Variants in RANBP17 observed in about 807,000 individuals in gnomAD.
The protein encoded by RANBP17 is RAN binding protein 17.
In RANBP17, 158 loss-of-function variants were observed where a neutral mutation model predicts 141.2. That is an observed-to-expected ratio of 1.12 (90% CI 0.98 to 1.28). The LOEUF (loss-of-function observed/expected upper bound fraction) is 1.28, where lower values mean the gene tolerates loss of function less well. RANBP17 is among the 50% of genes most tolerant of loss of function. The pLI, the probability that RANBP17 is intolerant of heterozygous loss-of-function variation, is 0.00. For missense variants in RANBP17, 1,438 were observed against 1,290.7 expected (o/e 1.11, Z -1.75); for synonymous variants, 430 against 450.0 (o/e 0.96, Z 0.56).
chr5:171,106,353 G>A (rs1187831781), intron 14 of RANBP17, among the ~76,000 whole-genome samples: 3 of 152,088 alleles, frequency 2.0e-5, no homozygotes, highest in Non-Finnish European at 2.9e-5. Context: ...AGGTAGGAGG[G>A]GAAGGGGGTA....
chr5:171,188,423 A>G (rs1379438706), intron 18 of RANBP17, among the ~76,000 whole-genome samples: 3 of 152,250 alleles, frequency 2.0e-5, no homozygotes, highest in African/African-American at 7.2e-5. Flanking sequence ...ACAGTGTGCT[A>G]AACTCTGAGG....
intron 14 of RANBP17, among the ~76,000 whole-genome samples, chr5:171,136,521 A>G (rs1355849514): frequency 6.6e-6 from 1 of 152,098 alleles, no homozygotes; most frequent in Admixed American, 6.6e-5. Context: ...TAAAGAGGTC[A>G]TCTTTCAGGA....
chr5:171,244,698 C>T (rs903103424), intron 24 of RANBP17, among the ~76,000 whole-genome samples: 7 of 152,180 alleles, frequency 4.6e-5, no homozygotes, highest in South Asian at 4.1e-4. Flanking sequence ...ACACCCACCT[C>T]GGCCTCCCAA....
At chr5:170,925,475 ATTC>A (rs1474103321) in intron 12 of RANBP17, among the ~76,000 whole-genome samples, 16 of 152,188 alleles carry the variant, frequency 1.1e-4, no homozygotes, top group Admixed American at 6.5e-4. Context: ...TTATTGATTT[ATTC>A]TTCTAGAAGA....
intron 20 of RANBP17, among the ~76,000 whole-genome samples, chr5:171,208,467 A>G (rs990136909): frequency 2.6e-5 from 4 of 152,220 alleles, no homozygotes; most frequent in African/African-American, 9.6e-5. Context: ...CTCCTTGTTT[A>G]AAATTTTCCT....
intron 22 of RANBP17, among the ~76,000 whole-genome samples, chr5:171,233,981 G>C (rs901562097): frequency 1.3e-5 from 2 of 152,064 alleles, no homozygotes; most frequent in African/African-American, 2.4e-5. Context: ...GTGCATGTGT[G>C]GGGGCAGGAG....
chr5:171,075,578 T>G (rs1177785076), intron 14 of RANBP17, among the ~76,000 whole-genome samples: 1 of 152,024 alleles, frequency 6.6e-6, no homozygotes, highest in Non-Finnish European at 1.5e-5. Flanking sequence ...GAGAGTGGTG[T>G]TTCTTTTGGG....
intron 24 of RANBP17, among the ~76,000 whole-genome samples, chr5:171,259,262 G>A (rs536162663): frequency 6.6e-6 from 1 of 152,282 alleles, no homozygotes; most frequent in Admixed American, 6.5e-5. Flanking sequence ...CTCGTACACT[G>A]TTGGTGGGAA....
chr5:171,078,792 CA>C (rs1381972350), intron 14 of RANBP17, among the ~76,000 whole-genome samples: 2 of 152,178 alleles, frequency 1.3e-5, no homozygotes, highest in Non-Finnish European at 2.9e-5. Context: ...GATTAATTTT[CA>C]AAAGATTATT....
At chr5:171,097,376 G>T (rs970953561) in intron 14 of RANBP17, among the ~76,000 whole-genome samples, 10 of 151,974 alleles carry the variant, frequency 6.6e-5, no homozygotes. Flanking sequence ...TTCAGAAAGG[G>T]CTGTTAGACC....
chr5:171,066,454 CATA>C (rs1213043473), intron 14 of RANBP17, among the ~76,000 whole-genome samples: 1 of 152,122 alleles, frequency 6.6e-6, no homozygotes, highest in African/African-American at 2.4e-5. Context: ...TTTCACTTAA[CATA>C]ATGTCTTCCA....
At chr5:171,274,109 CAA>C (rs1353324097) in intron 25 of RANBP17, among the ~76,000 whole-genome samples, 5 of 130,128 alleles carry the variant, frequency 3.8e-5, no homozygotes, top group Non-Finnish European at 6.5e-5. Flanking sequence ...TTAGTTTGAT[CAA>C]GTGTGTGTGT....
chr5:171,143,352 G>A (rs765835836), intron 14 of RANBP17: 3 of 152,234 alleles, frequency 2.0e-5, no homozygotes, highest in Admixed American at 1.3e-4. Context: ...TTGCTCCGTG[G>A]TTGGGGCAGG....
At chr5:171,035,119 T>C (rs948664862) in intron 14 of RANBP17, among the ~76,000 whole-genome samples, 4 of 152,222 alleles carry the variant, frequency 2.6e-5, no homozygotes, top group African/African-American at 9.6e-5. Context: ...GTTATATATA[T>C]GATTTTTTGT....
chr5:171,008,924 TTAAA>T (rs1415058328), intron 14 of RANBP17, among the ~76,000 whole-genome samples: 1 of 152,230 alleles, frequency 6.6e-6, no homozygotes. Context: ...TTGATGACTA[TTAAA>T]TATAGATGCT....
At chr5:171,117,249 G>T (rs1048872439) in intron 14 of RANBP17, among the ~76,000 whole-genome samples, 2 of 152,038 alleles carry the variant, frequency 1.3e-5, no homozygotes, top group Non-Finnish European at 2.9e-5. Context: ...AGGAACCTCC[G>T]TATTTTCTCC....
At chr5:171,007,929 C>T (rs955034883) in intron 14 of RANBP17, among the ~76,000 whole-genome samples, 3 of 152,208 alleles carry the variant, frequency 2.0e-5, no homozygotes, top group Middle Eastern at 3.4e-3. Flanking sequence ...ATGGCGAAGC[C>T]GGTGGGGAGC....
chr5:171,114,827 T>C (rs1398554653), intron 14 of RANBP17, among the ~76,000 whole-genome samples: 3 of 151,706 alleles, frequency 2.0e-5, no homozygotes, highest in Non-Finnish European at 2.9e-5. Context: ...AAAAATCTTA[T>C]GAGTGGCCAA....
In RANBP17 at chr5:171,299,203, C is replaced by A. The variant is rs1030069782; in HGVS notation, c.*345C>A. 2 of 251,568 alleles carry A rather than the reference C, an allele frequency of 8.0e-6. No homozygotes were observed. The highest frequency in any genetic ancestry group is 1.0e-4 in the Admixed American group (2 of 19,160). The allele number at this position is 251,568 out of a possible 1,614,324, so 15.6% of individuals were successfully genotyped here. A position where few individuals can be genotyped will look rare whatever the true frequency, so the allele number is the denominator to read the frequency against. ...AAGTGTGTACTAGTTTATGGTTCTG[C>A]AGTCAAGGTTGTCAATTTGTTGGAG... On this transcript the variant is annotated 3_prime_UTR_variant, in exon 28 of 28. Transcript: ENST00000523189.
Sources: gnomAD v4.1 joint callset for allele counts (sites outside exome capture counted in the v4.1 genomes callset) on GRCh38, gnomAD v4.1.1 for gene constraint, MANE v1.5 for transcripts, NCBI Gene and HGNC (gene_info 2026-07-23, HGNC 2026-07-21) for gene names.